The following MFAP1 variants were observed in gnomAD, a reference collection of about 807,000 sequenced individuals.
MFAP1 encodes microfibrillar-associated protein 1.
In MFAP1, 18 loss-of-function variants were observed where a neutral mutation model predicts 62.2. The observed-to-expected ratio is 0.29, with a 90% confidence interval of 0.20 to 0.43. The LOEUF (loss-of-function observed/expected upper bound fraction) is 0.43, where lower values mean the gene tolerates loss of function less well. MFAP1 is among the 20% of genes least tolerant of loss of function. The pLI is 1.00. For missense variants in MFAP1, 355 were observed against 559.7 expected (o/e 0.63, Z 3.69); for synonymous variants, 175 against 180.4 (o/e 0.97, Z 0.24).
chr15:43,813,025 C>G lies in MFAP1; in HGVS notation c.849G>C (p.Glu283Asp), dbSNP rs1419136797. ...EEEYEAWKVR[E>D]LKRIKRDRED... is the part of the protein sequence containing the mutation. The stretch of plus-strand genomic sequence containing the variant: ...CTCTGTCCCTCTTGATTCTTTTTAG[C>G]TCTCGAACTTTCCATGCCTCATATT... Residue 283 changes from glutamate to aspartate, a missense_variant, in exon 6 of 9, where the codon GAG becomes GAC. By Grantham distance (45) the Glu-to-Asp change is conservative. This residue lies in a region of MFAP1 where 257 missense variants were observed against 341.3 expected (regional missense o/e 0.75). Coordinates refer to ENST00000267812, the MANE Select transcript of MFAP1 (RefSeq NM_005926.3). 10 of 1,614,044 alleles carry G rather than the reference C, an allele frequency of 6.2e-6. No homozygotes were observed. The highest frequency in any genetic ancestry group is 1.3e-5 in the African/African-American group (1 of 74,912).
intron 3 of MFAP1, 41 bp downstream of exon 3, chr15:43,814,901 TTTC>T: frequency 1.2e-6 from 2 of 1,608,290 alleles, no homozygotes; most frequent in Non-Finnish European, 8.5e-7. Context: ...GCATGAACTT[TTTC>T]TTATATCCAG....
At chr15:43,816,228 A>C (rs1436242326) in intron 2 of MFAP1, among the ~76,000 whole-genome samples, 1 of 142,790 alleles carries the variant, frequency 7.0e-6, no homozygotes, top group African/African-American at 2.5e-5. Context: ...CTGTAATTTT[A>C]TTTTTTTTTC....
At chr15:43,821,584 T>G (rs663214) in intron 1 of MFAP1, among the ~76,000 whole-genome samples, 88,543 of 152,006 alleles carry the variant, frequency 0.58, 29,415 homozygotes, top group Non-Finnish European at 0.73. Context: ...GCATTAAAAA[T>G]CAGTAGAAAA....
chr15:43,811,510 C>CA (rs1659666680), intron 6 of MFAP1, among the ~76,000 whole-genome samples: 2 of 134,578 alleles, frequency 1.5e-5, no homozygotes. Context: ...TTCTTTTTTT[C>CA]TTTTTTTTTT....
rs572144973 is a variant in MFAP1, at chr15:43,822,455, C to A, written c.79+2036G>T. ...GTGGCATGATCTTGGCTCCATGAAA[C>A]CTCCACCTGCCGGGTTCAAGTGATT... is the stretch of plus-strand genomic sequence containing the variant. On this transcript the variant is annotated intron_variant, in intron 1 of 8. Coordinates refer to ENST00000267812, the MANE Select transcript of MFAP1 (RefSeq NM_005926.3). 1.6e-3 allele frequency among the ~76,000 whole-genome samples: 250 copies of A among 152,156 alleles called. 9 individuals are homozygous for A. The South Asian group carries it at 0.051, about 31-fold the overall frequency.
chr15:43,823,776 A>C (rs1298108992), intron 1 of MFAP1, among the ~76,000 whole-genome samples: 1 of 152,222 alleles, frequency 6.6e-6, no homozygotes, highest in Non-Finnish European at 1.5e-5. Context: ...TAAGCTGTTA[A>C]GATGAATGAA....
chr15:43,823,169 T>C (rs865815628), intron 1 of MFAP1, among the ~76,000 whole-genome samples: 1 of 142,308 alleles, frequency 7.0e-6, no homozygotes, highest in East Asian at 2.1e-4. Flanking sequence ...TTGGCGGGGG[T>C]GGGGGGTGGT....
At chr15:43,807,494 G>A (rs970046850) in intron 7 of MFAP1, among the ~76,000 whole-genome samples, 5 of 151,054 alleles carry the variant, frequency 3.3e-5, no homozygotes, top group South Asian at 4.2e-4. Flanking sequence ...GACTACAGGC[G>A]CCCGCCACCA....
At chr15:43,816,691 G>T (rs1011425693) in intron 2 of MFAP1, among the ~76,000 whole-genome samples, 1 of 152,118 alleles carries the variant, frequency 6.6e-6, no homozygotes. Context: ...AATTATGAAC[G>T]GTGAAAGTTC....
intron 1 of MFAP1, among the ~76,000 whole-genome samples, chr15:43,822,929 C>G (rs953536007): frequency 5.3e-5 from 8 of 151,190 alleles, no homozygotes; most frequent in African/African-American, 1.9e-4. Flanking sequence ...ACCTCTGCCC[C>G]CTGAGTTCAA....
intron 1 of MFAP1, among the ~76,000 whole-genome samples, chr15:43,818,903 T>A (rs1166141045): frequency 1.3e-5 from 2 of 151,530 alleles, no homozygotes; most frequent in Non-Finnish European, 2.9e-5. Context: ...AACACAAAAA[T>A]ATATATAGCT....
intron 4 of MFAP1, among the ~76,000 whole-genome samples, chr15:43,813,608 T>G (rs1007594887): frequency 6.0e-5 from 9 of 149,608 alleles, no homozygotes; most frequent in African/African-American, 2.2e-4. Flanking sequence ...CCTCCTGGGT[T>G]CAAGCAATTC....
chr15:43,822,368 A>G (rs1037869325), intron 1 of MFAP1, among the ~76,000 whole-genome samples: 1 of 152,080 alleles, frequency 6.6e-6, no homozygotes, highest in African/African-American at 2.4e-5. Context: ...TAGGTTCTCA[A>G]AGTTTGTTTT....
intron 6 of MFAP1, among the ~76,000 whole-genome samples, chr15:43,811,275 C>G (rs529547987): frequency 1.3e-4 from 19 of 150,320 alleles, no homozygotes; most frequent in African/African-American, 4.4e-4. Context: ...ATTAGCTGGG[C>G]GTGGTGGCAT....
At chr15:43,805,697 C>T (rs1378270046) in intron 7 of MFAP1, among the ~76,000 whole-genome samples, 1 of 151,750 alleles carries the variant, frequency 6.6e-6, no homozygotes, top group Non-Finnish European at 1.5e-5. Flanking sequence ...ACTGCAACCT[C>T]CGTCTCCCAG....
chr15:43,813,175 A>G, intron 5 of MFAP1, 28 bp from the exon 6 acceptor site: 2 of 1,613,798 alleles, frequency 1.2e-6, no homozygotes, highest in Non-Finnish European at 1.7e-6. Flanking sequence ...TTCAGCTTGG[A>G]CTTCCTTACT....
At chr15:43,814,814 C>G (rs2087424098) in intron 3 of MFAP1, 126 bp from the exon 4 acceptor site, 1 of 1,489,256 alleles carries the variant, frequency 6.7e-7, no homozygotes, top group Admixed American at 2.0e-5. Context: ...AATCCTATCC[C>G]CACAAACAAG....
chr15:43,823,997 T>C (rs1426336163), intron 1 of MFAP1, among the ~76,000 whole-genome samples: 2 of 151,910 alleles, frequency 1.3e-5, no homozygotes, highest in East Asian at 1.9e-4. Flanking sequence ...TCTATCTATC[T>C]AGTCTGATAT....
In MFAP1 at chr15:43,815,138, T is replaced by G. The variant is rs2087426001; in HGVS notation, c.300-64A>C. Reference sequence around the variant, plus strand: ...AAAAATGAAGTAGCATCAACTGCATTTCCATAGCCACAGAGCACATTATGT... The same window carrying G: ...AAAAATGAAGTAGCATCAACTGCATGTCCATAGCCACAGAGCACATTATGT... On this transcript the variant is annotated intron_variant, in intron 2 of 8. Transcript: ENST00000267812. 3.1e-5 allele frequency: 50 copies of G among 1,601,360 alleles called. 1 individual carries two copies. In the South Asian group the frequency reaches 5.1e-4, roughly 16 times the overall value.
Sources: gnomAD v4.1 joint callset for allele counts (sites outside exome capture counted in the v4.1 genomes callset) on GRCh38, gnomAD v4.1.1 for gene constraint, gnomAD v4.1.1 regional missense constraint, MANE v1.5 for transcripts, NCBI Gene and HGNC (gene_info 2026-07-23, HGNC 2026-07-21) for gene names.